ZNF44: variants seen among roughly 807,000 people sequenced by gnomAD.
ZNF44 encodes the protein zinc finger protein 44.
Under a neutral mutation model 11.7 loss-of-function variants are expected in ZNF44, and 9 were observed. That is an observed-to-expected ratio of 0.77 (90% CI 0.46 to 1.35). ZNF44 has a LOEUF of 1.35. Ranked by LOEUF, ZNF44 falls within the 40% of genes most tolerant of loss-of-function variation. ZNF44 has a pLI of 0.00. For synonymous variants in ZNF44, 224 were observed against 242.7 expected (o/e 0.92, Z 0.72); for missense variants, 696 against 743.1 (o/e 0.94, Z 0.74).
In ZNF44 at chr19:12,274,885, G is replaced by C. The variant is rs1051762201; in HGVS notation, c.191+88C>G. 3.1e-6 allele frequency: 3 copies of C among 952,734 alleles called. No individual in the cohort carries two copies. In the Admixed American group the frequency reaches 8.4e-5, roughly 27 times the overall value. 59.0% of individuals were successfully genotyped at this position (952,734 alleles called of 1,614,324 possible). The stretch of plus-strand genomic sequence containing the variant: ...GAATAAATAAATTTAAGCTGGGCTT[G>C]TTCATAATCTTTGCTTCTTTTTAAA... On this transcript the variant is annotated intron_variant, in intron 3 of 3. Coordinates refer to ENST00000355684, the MANE Select transcript of ZNF44 (RefSeq NM_016264.4).
intron 1 of ZNF44, chr19:12,284,652 C>T (rs191925195): frequency 7.5e-4 from 573 of 758,988 alleles, no homozygotes; most frequent in Non-Finnish European, 1.1e-3. Context: ...GAAGCAGACC[C>T]GTGCCGGCCA....
exon 4 of ZNF44, chr19:12,226,369 T>TA (rs1294490709): frequency 6.6e-6 from 1 of 152,206 alleles, no homozygotes; most frequent in Non-Finnish European, 1.5e-5. Context: ...ATTCTTTACT[T>TA]ACCACAGATC....
chr19:12,266,866 C>A, downstream of ZNF44, among the ~76,000 whole-genome samples: 1 of 152,038 alleles, frequency 6.6e-6, no homozygotes, highest in East Asian at 1.9e-4. Context: ...TTCTCAGTGG[C>A]CAAAGGAACG....
chr19:12,292,256 G>A (rs1421863445), intron 1 of ZNF44, among the ~76,000 whole-genome samples: 2 of 150,920 alleles, frequency 1.3e-5, no homozygotes, highest in Non-Finnish European at 3.0e-5. Context: ...GCTGCAGTGA[G>A]CCATGATGGT....
downstream of ZNF44, among the ~76,000 whole-genome samples, chr19:12,246,060 C>CATCT (rs1916760549): frequency 6.6e-6 from 1 of 152,198 alleles, no homozygotes; most frequent in South Asian, 2.1e-4. Context: ...TGTCCCTATG[C>CATCT]ATCTGTCTGT....
intron 1 of ZNF44, among the ~76,000 whole-genome samples, chr19:12,283,908 G>A (rs1967600607): frequency 6.6e-6 from 1 of 152,194 alleles, no homozygotes. Flanking sequence ...AGCTACTTGG[G>A]AGCCCAGGAG....
chr19:12,274,587 T>A (rs1967134014), intron 3 of ZNF44, among the ~76,000 whole-genome samples: 1 of 150,842 alleles, frequency 6.6e-6, no homozygotes, highest in African/African-American at 2.4e-5. Context: ...TTTTTTTTTT[T>A]AAGACAGGGT....
intron 2 of ZNF44, among the ~76,000 whole-genome samples, chr19:12,233,550 CAAAAAAAA>C (rs58060175): frequency 1.4e-4 from 11 of 80,868 alleles, no homozygotes; most frequent in Admixed American, 2.9e-4. Context: ...ACCCATACAT[CAAAAAAAA>C]AAAAAAAAAA....
At chr19:12,253,176 A>T (rs558753055) in intron 5 of ZNF44, among the ~76,000 whole-genome samples, 7 of 147,240 alleles carry the variant, frequency 4.8e-5, no homozygotes, top group Non-Finnish European at 1.0e-4. Flanking sequence ...GGCGTAAGCC[A>T]CTGCACCTGG....
At chr19:12,284,888 C>T in intron 1 of ZNF44, 1 of 734,442 alleles carries the variant, frequency 1.4e-6, no homozygotes, top group Non-Finnish European at 2.4e-6. Context: ...TGGTGCGCCT[C>T]ATCCCCGCAC....
upstream of ZNF44, among the ~76,000 whole-genome samples, chr19:12,240,463 A>C (rs890901360): frequency 5.5e-5 from 8 of 146,090 alleles, no homozygotes; most frequent in Non-Finnish European, 1.1e-4. Flanking sequence ...AAAAAAAAAA[A>C]CTAGAAAAAA....
chr19:12,248,896 C>CTT (rs372194020), intron 7 of ZNF44, among the ~76,000 whole-genome samples: 22 of 138,642 alleles, frequency 1.6e-4, no homozygotes, highest in African/African-American at 3.3e-4. Context: ...ATGGGTTTCT[C>CTT]TTTTTTTTTT....
intron 5 of ZNF44, among the ~76,000 whole-genome samples, chr19:12,259,242 A>G (rs1206129696): frequency 1.3e-5 from 2 of 152,196 alleles, no homozygotes; most frequent in Non-Finnish European, 2.9e-5. Flanking sequence ...CACAATAGTT[A>G]TGATGGCTAA....
intron 5 of ZNF44, among the ~76,000 whole-genome samples, chr19:12,260,905 G>T (rs1917481639): frequency 6.6e-6 from 1 of 152,178 alleles, no homozygotes; most frequent in Non-Finnish European, 1.5e-5. Context: ...ATAGACCCAT[G>T]AGTGGTGGTC....
At chr19:12,229,847 C>T (rs976237632) in intron 3 of ZNF44, among the ~76,000 whole-genome samples, 3 of 152,030 alleles carry the variant, frequency 2.0e-5, no homozygotes, top group East Asian at 1.9e-4. Flanking sequence ...CTCCTGACAT[C>T]GTGATCAGCC....
At chr19:12,289,942 C>A (rs1033673186) in intron 1 of ZNF44, among the ~76,000 whole-genome samples, 14 of 151,382 alleles carry the variant, frequency 9.2e-5, no homozygotes, top group Admixed American at 3.3e-4. Flanking sequence ...AGAATAAACT[C>A]ATTTCTTAGC....
rs771598004 is a variant in ZNF44 at position 12,248,325 on chromosome 19, C to T, written c.*540G>A. On this transcript the variant is annotated 3_prime_UTR_variant and NMD_transcript_variant, in exon 8 of 8. Coordinates refer to the ZNF44 transcript ENST00000393337. ...AGTCCTTCCATGTATTTGGAAAGAA[C>T]GTTGACAACTGAAGGCTTTCCCACA... 3.7e-5 allele frequency: 48 copies of T among 1,293,814 alleles called. No homozygotes were observed. In the East Asian group the frequency reaches 6.6e-4, roughly 18 times the overall value. 80.1% of individuals were successfully genotyped at this position (1,293,814 alleles called of 1,614,324 possible). A position where few individuals can be genotyped will look rare whatever the true frequency, so the allele number is the denominator to read the frequency against.
intron 5 of ZNF44, among the ~76,000 whole-genome samples, chr19:12,255,832 G>A (rs2145698322): frequency 6.6e-6 from 1 of 152,120 alleles, no homozygotes; most frequent in Non-Finnish European, 1.5e-5. Context: ...CTGAGGTCAG[G>A]AGTTCAAGAC....
At chr19:12,250,412 A>T (rs1325503966) in intron 5 of ZNF44, 4 of 1,304,440 alleles carry the variant, frequency 3.1e-6, no homozygotes, top group Non-Finnish European at 4.0e-6. Context: ...GGTGAGACTG[A>T]CAGCACTGGA....
Sources: gnomAD v4.1 joint callset for allele counts (sites outside exome capture counted in the v4.1 genomes callset) on GRCh38, gnomAD v4.1.1 for gene constraint, MANE v1.5 for transcripts, NCBI Gene and HGNC (gene_info 2026-07-23, HGNC 2026-07-21) for gene names.